The following SUGCT variants were observed in gnomAD, a reference collection of about 807,000 sequenced individuals.
SUGCT encodes the protein succinyl-CoA:glutarate CoA-transferase.
SUGCT carries 41 observed loss-of-function variants against 55.0 expected under a neutral mutation model. That is an observed-to-expected ratio of 0.74 (90% CI 0.58 to 0.97). The LOEUF (loss-of-function observed/expected upper bound fraction) is 0.97, where lower values mean the gene tolerates loss of function less well. SUGCT is among the 50% of genes least tolerant of loss of function. The pLI is 0.00. For synonymous variants in SUGCT, 187 were observed against 200.4 expected (o/e 0.93, Z 0.56); for missense variants, 568 against 547.8 (o/e 1.04, Z -0.37).
chr7:40,591,786 T>A (rs4720370), intron 12 of SUGCT, among the ~76,000 whole-genome samples: 14,794 of 152,246 alleles, frequency 0.097, 775 homozygotes, highest in Middle Eastern at 0.12. Context: ...AACAGATGAT[T>A]GTTAGCATTT....
At chr7:40,545,746 A>G (rs1794952347) in intron 12 of SUGCT, among the ~76,000 whole-genome samples, 1 of 152,208 alleles carries the variant, frequency 6.6e-6, no homozygotes, top group Non-Finnish European at 1.5e-5. Context: ...TTTGATTTTT[A>G]CAGTTATATA....
At chr7:40,216,872 A>G (rs764081079) in intron 6 of SUGCT, among the ~76,000 whole-genome samples, 9 of 152,088 alleles carry the variant, frequency 5.9e-5, no homozygotes, top group Non-Finnish European at 8.8e-5. Flanking sequence ...AAAAAAAAGA[A>G]AAGTGTTGTA....
chr7:40,470,455 G>A (rs955745526), intron 11 of SUGCT, among the ~76,000 whole-genome samples: 12 of 152,148 alleles, frequency 7.9e-5, no homozygotes, highest in East Asian at 1.9e-4. Context: ...GCTGTTTAGC[G>A]TTCTGGATCA....
intron 9 of SUGCT, among the ~76,000 whole-genome samples, chr7:40,385,821 A>C (rs1380443650): frequency 6.6e-6 from 1 of 152,148 alleles, no homozygotes; most frequent in African/African-American, 2.4e-5. Context: ...TTTTAAGGTG[A>C]CGTGTGGACG....
chr7:40,174,593 G>T (rs887849500), intron 1 of SUGCT, among the ~76,000 whole-genome samples: 30 of 152,174 alleles, frequency 2.0e-4, no homozygotes, highest in Non-Finnish European at 4.1e-4. Context: ...AACTATGTAT[G>T]TTCCTGCCAC....
At chr7:40,181,881 G>A (rs1416227188) in intron 2 of SUGCT, 74 bp from the exon 3 acceptor site, 6 of 934,614 alleles carry the variant, frequency 6.4e-6, no homozygotes, top group East Asian at 5.3e-5. Context: ...CTGTGTTGAC[G>A]GGTTGTTGGA....
At chr7:40,736,266 T>C (rs1391364741) in intron 12 of SUGCT, among the ~76,000 whole-genome samples, 2 of 115,566 alleles carry the variant, frequency 1.7e-5, no homozygotes, top group South Asian at 2.3e-4. Context: ...AATATTTCAA[T>C]ATATAATATA....
At chr7:41,019,042 A>AT in the SUGCT span, among the ~76,000 whole-genome samples, 1 of 151,720 alleles carries the variant, frequency 6.6e-6, no homozygotes, top group East Asian at 1.9e-4. Flanking sequence ...AGTAGCTGGG[A>AT]TTACAGGCGC....
intron 9 of SUGCT, among the ~76,000 whole-genome samples, chr7:40,448,240 C>CCCTCCCTT (rs1364759394): frequency 4.2e-5 from 6 of 142,586 alleles, no homozygotes; most frequent in South Asian, 2.4e-4. Flanking sequence ...CTCCCTCCCT[C>CCCTCCCTT]CCTCCCTTCC....
intron 6 of SUGCT, among the ~76,000 whole-genome samples, chr7:40,206,551 T>C (rs1190349048): frequency 6.6e-6 from 1 of 152,202 alleles, no homozygotes; most frequent in Non-Finnish European, 1.5e-5. Context: ...GTGAAAAATA[T>C]CAAAGTTTAA....
intron 1 of SUGCT, among the ~76,000 whole-genome samples, chr7:40,143,237 G>A (rs10261306): frequency 6.6e-6 from 1 of 152,170 alleles, no homozygotes; most frequent in South Asian, 2.1e-4. Context: ...GCTTAGGGAT[G>A]AATAAGGGCA....
At chr7:40,168,323 T>C (rs149954787) in intron 1 of SUGCT, among the ~76,000 whole-genome samples, 2,253 of 152,240 alleles carry the variant, frequency 0.015, 47 homozygotes, top group African/African-American at 0.053. Flanking sequence ...GGTCATGCAG[T>C]TGAGATTTCC....
intron 13 of SUGCT, among the ~76,000 whole-genome samples, chr7:40,796,648 T>G (rs975490779): frequency 6.6e-6 from 1 of 152,212 alleles, no homozygotes; most frequent in Non-Finnish European, 1.5e-5. Flanking sequence ...AGATTTTATA[T>G]CATACATAGC....
At chr7:40,355,873 A>T (rs1464632860) in intron 9 of SUGCT, among the ~76,000 whole-genome samples, 1 of 152,250 alleles carries the variant, frequency 6.6e-6, no homozygotes, top group Non-Finnish European at 1.5e-5. Flanking sequence ...AGTTATATCA[A>T]TCCACAGCAT....
At chr7:40,887,634 T>C in the SUGCT span, among the ~76,000 whole-genome samples, 1 of 152,116 alleles carries the variant, frequency 6.6e-6, no homozygotes, top group Admixed American at 6.6e-5. Flanking sequence ...AGTTCTGATT[T>C]TGAGAAGTTC....
At chr7:41,034,485 T>G in the SUGCT span, among the ~76,000 whole-genome samples, 1 of 152,124 alleles carries the variant, frequency 6.6e-6, no homozygotes. Context: ...AACACAATCT[T>G]GCTGGGGCTG....
At chr7:40,608,295 A>G (rs529071404) in intron 12 of SUGCT, among the ~76,000 whole-genome samples, 1 of 152,218 alleles carries the variant, frequency 6.6e-6, no homozygotes, top group Non-Finnish European at 1.5e-5. Context: ...TCTTCCTTAT[A>G]CACTCTAGGC....
the SUGCT span, among the ~76,000 whole-genome samples, chr7:40,921,491 C>T: frequency 0.012 from 1,835 of 152,274 alleles, 30 homozygotes; most frequent in African/African-American, 0.042. Flanking sequence ...CATCAGGGTG[C>T]TCAGATCTCA....
At chr7:40,744,717 C>G (rs531868538) in intron 12 of SUGCT, among the ~76,000 whole-genome samples, 54 of 152,260 alleles carry the variant, frequency 3.5e-4, no homozygotes, top group African/African-American at 1.3e-3. Context: ...GCTTTATGTC[C>G]TAACCCAATG....
Sources: allele counts gnomAD v4.1 joint callset (sites outside exome capture counted in the v4.1 genomes callset), GRCh38; gene constraint gnomAD v4.1.1; transcripts MANE v1.5; gene names NCBI Gene and HGNC (gene_info 2026-07-23, HGNC 2026-07-21).